Variants in RAB11FIP1 observed in about 807,000 individuals in gnomAD.
The protein encoded by RAB11FIP1 is RAB11 family interacting protein 1.
A neutral mutation model predicts 83.1 loss-of-function variants in RAB11FIP1; 49 were observed. That is an observed-to-expected ratio of 0.59 (90% CI 0.47 to 0.75). The LOEUF (loss-of-function observed/expected upper bound fraction) is 0.75. RAB11FIP1 is among the 30% of genes least tolerant of loss of function. The pLI is 0.00. For missense variants in RAB11FIP1, 1,536 were observed against 1,598.7 expected, an observed-to-expected ratio of 0.96 and a Z score of 0.67; for synonymous variants, 670 against 656.0, an observed-to-expected ratio of 1.02 and a Z score of -0.33.
In RAB11FIP1 at chr8:37,872,183, C is replaced by T. The variant is rs139751334; in HGVS notation, c.2619G>A (p.Ala873=). 1.2e-5 allele frequency: 20 copies of T among 1,613,884 alleles called. No homozygotes were observed. Among genetic ancestry groups the T allele is most frequent in the African/African-American group, 1.2e-4 (9 of 74,890 alleles). Residue 873 remains alanine, a synonymous_variant, in exon 4 of 6, where the codon GCG becomes GCA. Coordinates refer to ENST00000330843, the MANE Select transcript of RAB11FIP1 (RefSeq NM_001002814.3). ...ERESVTTPGP[A]TCGAPASPAD... is the part of the protein sequence containing the mutation. ...CTGGGGAGGCTGGCGCACCACACGT[C>T]GCTGGCCCAGGTGTGGTCACCGATT...
intron 1 of RAB11FIP1, among the ~76,000 whole-genome samples, chr8:37,888,295 C>T (rs1481899524): frequency 7.2e-5 from 11 of 152,128 alleles, no homozygotes; most frequent in South Asian, 4.2e-4. Context: ...TTAGTAGAGA[C>T]GGAGTTTCAC....
chr8:37,878,794 GT>G (rs1806675919), intron 1 of RAB11FIP1, among the ~76,000 whole-genome samples: 1 of 151,500 alleles, frequency 6.6e-6, no homozygotes, highest in Admixed American at 6.6e-5. Flanking sequence ...GAGGCCAGGA[GT>G]TCAAGACCAG....
chr8:37,890,343 G>A (rs1806922499), intron 1 of RAB11FIP1, among the ~76,000 whole-genome samples: 1 of 152,136 alleles, frequency 6.6e-6, no homozygotes, highest in Non-Finnish European at 1.5e-5. Context: ...AAGTGAAGTG[G>A]CAGTCACACC....
chr8:37,870,581 G>A (rs1235268819), intron 4 of RAB11FIP1, 53 bp from the exon 5 acceptor site: 2 of 950,526 alleles, frequency 2.1e-6, no homozygotes, highest in Non-Finnish European at 1.7e-6. Flanking sequence ...GCAAAACTGA[G>A]CAACTGCCCA....
In RAB11FIP1 at chr8:37,863,119, G is replaced by A; in HGVS notation, c.3634-6C>T. 1 of 1,607,222 alleles carries A rather than the reference G, an allele frequency of 6.2e-7. No individual in the cohort carries two copies. The highest frequency in any genetic ancestry group is 2.2e-5 in the East Asian group (1 of 44,804). ...GGGTCCGAGGGGCTGTATTTCTTTGGAGGGGGGGAAATAGTTGGGAAAAAG... is the reference window on the plus strand; with the variant it reads ...GGGTCCGAGGGGCTGTATTTCTTTGAAGGGGGGGAAATAGTTGGGAAAAAG... On this transcript the variant is annotated splice_polypyrimidine_tract_variant and splice_region_variant and intron_variant, in intron 5 of 5. Transcript: ENST00000330843.
chr8:37,894,169 C>T (rs1807013152), intron 1 of RAB11FIP1, among the ~76,000 whole-genome samples: 1 of 152,076 alleles, frequency 6.6e-6, no homozygotes, highest in African/African-American at 2.4e-5. Context: ...TCAGTAATAA[C>T]ATTACTTGAA....
Position 37,862,850 on chromosome 8 carries a change from G to A in RAB11FIP1, c.*45C>T, listed in dbSNP as rs1362676433. 6.6e-7 allele frequency: 1 copy of A among 1,516,712 alleles called. No individual in the cohort carries two copies. Among genetic ancestry groups the A allele is most frequent in the Admixed American group, 1.7e-5 (1 of 57,870 alleles). 94.0% of individuals were successfully genotyped at this position (1,516,712 alleles called of 1,614,324 possible). A position where few individuals can be genotyped will look rare whatever the true frequency, so the allele number is the denominator to read the frequency against. ...CAAGTCCTTGACCCCTGGAGCAGGT[G>A]AAAGTGAAGTCACAGAAACGTCTCG... is the stretch of plus-strand genomic sequence containing the variant. On this transcript the variant is annotated 3_prime_UTR_variant, in exon 6 of 6. Coordinates refer to ENST00000330843, the MANE Select transcript of RAB11FIP1 (RefSeq NM_001002814.3).
At chr8:37,890,056 A>T (rs1485328971) in intron 1 of RAB11FIP1, among the ~76,000 whole-genome samples, 1 of 152,232 alleles carries the variant, frequency 6.6e-6, no homozygotes, top group Non-Finnish European at 1.5e-5. Flanking sequence ...AAGTGCTGGG[A>T]TTACAGGCAT....
In RAB11FIP1 at chr8:37,868,021, C is replaced by T. The variant is rs540681147; in HGVS notation, c.3633+2399G>A. Reference sequence around the variant, plus strand: ...CGCTACTTGGGAGGCTGAGGTAGGACGATCACTTGAGCCCAGGAGTTCGAG... The same window carrying T: ...CGCTACTTGGGAGGCTGAGGTAGGATGATCACTTGAGCCCAGGAGTTCGAG... On this transcript the variant is annotated intron_variant, in intron 5 of 5. Coordinates refer to ENST00000330843, the MANE Select transcript of RAB11FIP1 (RefSeq NM_001002814.3). Among the ~76,000 whole-genome samples, 12 of 152,050 alleles carry T rather than the reference C, an allele frequency of 7.9e-5. No homozygotes were observed. In the South Asian group the frequency reaches 8.3e-4, roughly 11 times the overall value.
intron 5 of RAB11FIP1, among the ~76,000 whole-genome samples, chr8:37,866,935 G>A (rs985206825): frequency 6.6e-6 from 1 of 152,200 alleles, no homozygotes; most frequent in Non-Finnish European, 1.5e-5. Flanking sequence ...GGCAGGCAGC[G>A]GGGTGGCAGC....
At chr8:37,891,099 C>T (rs1315287631) in intron 1 of RAB11FIP1, among the ~76,000 whole-genome samples, 1 of 152,150 alleles carries the variant, frequency 6.6e-6, no homozygotes, top group Non-Finnish European at 1.5e-5. Context: ...TCCTCCTGAG[C>T]CAGCTGGGGC....
intron 5 of RAB11FIP1, among the ~76,000 whole-genome samples, chr8:37,867,533 C>T (rs920766009): frequency 2.0e-5 from 3 of 151,966 alleles, no homozygotes; most frequent in African/African-American, 2.4e-5. Flanking sequence ...GGTAGAACCC[C>T]GTCTCTATTA....
chr8:37,873,430 C>T lies in RAB11FIP1; in HGVS notation c.1623-251G>A, dbSNP rs150408920. 2.2e-3 allele frequency among the ~76,000 whole-genome samples: 340 copies of T among 152,208 alleles called. 3 individuals are homozygous for T. The highest frequency in any genetic ancestry group is 7.4e-3 in the African/African-American group (309 of 41,546). On this transcript the variant is annotated intron_variant, in intron 3 of 5. Coordinates refer to ENST00000330843, the MANE Select transcript of RAB11FIP1 (RefSeq NM_001002814.3). ...GACCAGCCCAGCCAACATGGTGAAA[C>T]CTCATCTCTACTGAAAAATGCAAAA...
chr8:37,893,660 C>T (rs987999191), intron 1 of RAB11FIP1, among the ~76,000 whole-genome samples: 4 of 151,996 alleles, frequency 2.6e-5, no homozygotes, highest in African/African-American at 9.7e-5. Flanking sequence ...TATGGTGGCA[C>T]ACCCCTGTAG....
chr8:37,873,893 A>G (rs1010174344), intron 3 of RAB11FIP1, among the ~76,000 whole-genome samples: 3 of 148,848 alleles, frequency 2.0e-5, no homozygotes, highest in East Asian at 1.9e-4. Context: ...GTGTGTGTGC[A>G]TGTCAAAGTA....
chr8:37,899,125 C>A lies in RAB11FIP1; in HGVS notation c.317G>T (p.Arg106Leu). The A allele has an allele frequency of 6.5e-7, 1 of 1,537,398 alleles. No homozygotes were observed. Among genetic ancestry groups the A allele is most frequent in the East Asian group, 2.5e-5 (1 of 39,924 alleles). ...ALLGLDKFLG[R>L]AEVDLRDLHR... ...CAGATCCCGCAGGTCCACCTCGGCG[C>A]GGCCCAGGAACTTGTCGAGGCCGAG... The change falls in exon 1 of 6, where the codon CGC (arginine) becomes CTC (leucine). Residue 106 changes from arginine to leucine, a missense_variant. Physicochemically the swap from Arg to Leu is moderately radical, Grantham distance 102. Transcript: ENST00000330843. The surrounding 1 kb of genome is among the most constrained non-coding windows in gnomAD (Gnocchi z 4.5).
In RAB11FIP1 at chr8:37,861,035, G is replaced by C. The variant is rs147260453; in HGVS notation, c.*1860C>G. 2 of 152,532 alleles carry C rather than the reference G, an allele frequency of 1.3e-5. No individual in the cohort carries two copies. Among genetic ancestry groups the C allele is most frequent in the East Asian group, 1.9e-4 (1 of 5,196 alleles). The allele number at this position is 152,532 out of a possible 1,614,324, so 9.4% of individuals were successfully genotyped here. On this transcript the variant is annotated 3_prime_UTR_variant, in exon 6 of 6. Coordinates refer to ENST00000330843, the MANE Select transcript of RAB11FIP1 (RefSeq NM_001002814.3). The stretch of plus-strand genomic sequence containing the variant: ...AGCCTGTGATATTCTTCCCCTAGGA[G>C]AGATGTCAAGATTAGATGAGATTCT...
chr8:37,895,243 ATATATATATATATATATTTTTTTTTTTT>A (rs1807048899), intron 1 of RAB11FIP1, among the ~76,000 whole-genome samples: 1 of 8,638 alleles, frequency 1.2e-4, no homozygotes, highest in Non-Finnish European at 1.9e-4. Flanking sequence ...ATATATATAT[ATATATATATATATATATTTTTTTTTTTT>A]TTTTTTTTTT....
chr8:37,871,766 C>T lies in RAB11FIP1; in HGVS notation c.3036G>A (p.Lys1012=), dbSNP rs1283219719. 4.3e-6 allele frequency: 7 copies of T among 1,613,844 alleles called. No homozygotes were observed. The Admixed American group carries it at 8.3e-5, about 19-fold the overall frequency. ...GLVVPCPERG[K]GPSGEADRLV... ...ACCTATCTGCCTCGCCACTGGGCCC[C>T]TTTCCCCTCTCAGGACAGGGGACTA... is the stretch of plus-strand genomic sequence containing the variant. The change falls in exon 4 of 6, where the codon AAG becomes AAA. Residue 1012 remains lysine (K), a synonymous_variant. Coordinates refer to ENST00000330843, the MANE Select transcript of RAB11FIP1 (RefSeq NM_001002814.3).
Sources: gnomAD v4.1 joint callset for allele counts (sites outside exome capture counted in the v4.1 genomes callset) on GRCh38, gnomAD v4.1.1 for gene constraint, Gnocchi (gnomAD v3.1) non-coding constraint, MANE v1.5 for transcripts, NCBI Gene and HGNC (gene_info 2026-07-23, HGNC 2026-07-21) for gene names.